The following SPTLC3 variants were observed in gnomAD, a reference collection of about 807,000 sequenced individuals.
SPTLC3 encodes the protein serine palmitoyltransferase 3.
In SPTLC3, 36 loss-of-function variants were observed where a neutral mutation model predicts 59.3. The observed-to-expected ratio is 0.61, with a 90% confidence interval of 0.47 to 0.80. SPTLC3 has a LOEUF of 0.80. Among genes scored for constraint, SPTLC3 ranks in the 30% least tolerant of loss-of-function variants. The pLI, the probability that SPTLC3 is intolerant of heterozygous loss-of-function variation, is 0.00. For missense variants in SPTLC3, 625 were observed against 685.1 expected (o/e 0.91, Z 0.98); for synonymous variants, 257 against 240.8 (o/e 1.07, Z -0.62).
At chr20:13,083,981 A>T (rs1030385419) in intron 4 of SPTLC3, among the ~76,000 whole-genome samples, 1 of 152,182 alleles carries the variant, frequency 6.6e-6, no homozygotes, top group Non-Finnish European at 1.5e-5. Context: ...AGCCATGTTC[A>T]TGCAACTTGC....
intron 2 of SPTLC3, 128 bp downstream of exon 2, chr20:13,049,258 A>G: frequency 9.7e-7 from 1 of 1,034,768 alleles, no homozygotes; most frequent in South Asian, 1.3e-5. Flanking sequence ...GGCAAATTTC[A>G]TTCATCTCCA....
intron 1 of SPTLC3, among the ~76,000 whole-genome samples, chr20:13,023,305 A>G (rs1264647017): frequency 1.3e-5 from 2 of 151,522 alleles, no homozygotes. Context: ...ACATATACCT[A>G]CACACATAAA....
chr20:13,110,153 T>G lies in SPTLC3; in HGVS notation c.868T>G (p.Tyr290Asp). 1 of 1,613,716 alleles carries G rather than the reference T, an allele frequency of 6.2e-7. No homozygotes were observed. Among genetic ancestry groups the G allele is most frequent in the Admixed American group, 1.7e-5 (1 of 59,984 alleles). The change falls in exon 7 of 12, where the codon TAT (tyrosine) becomes GAT (aspartate). Residue 290 changes from tyrosine (Y) to aspartate (D), a missense_variant. By Grantham distance (160) the Tyr-to-Asp change is radical (BLOSUM62 -3). Transcript: ENST00000399002. ...GAAGCTCCTGAGAGATGCTGTCATC[T>G]ATGGCCAGCCTCGAACCCGCAGAGC... ...LEKLLRDAVI[Y>D]GQPRTRRAWK...
At chr20:13,106,547 G>C (rs544368409) in intron 6 of SPTLC3, among the ~76,000 whole-genome samples, 2 of 152,204 alleles carry the variant, frequency 1.3e-5, no homozygotes, top group African/African-American at 4.8e-5. Flanking sequence ...AGGAGGCTGT[G>C]TGTTGGGGGA....
At chr20:13,125,560 G>A (rs1276917238) in intron 8 of SPTLC3, among the ~76,000 whole-genome samples, 2 of 152,176 alleles carry the variant, frequency 1.3e-5, no homozygotes, top group African/African-American at 4.8e-5. Context: ...AATGTGGGCT[G>A]GGCTCAGCTA....
At chr20:13,095,287 G>T (rs1989371721) in intron 6 of SPTLC3, among the ~76,000 whole-genome samples, 1 of 152,210 alleles carries the variant, frequency 6.6e-6, no homozygotes, top group South Asian at 2.1e-4. Flanking sequence ...CACTTCCAGA[G>T]AGACGTAGTC....
intron 1 of SPTLC3, among the ~76,000 whole-genome samples, chr20:13,035,301 G>A (rs1038257157): frequency 4.6e-5 from 7 of 152,072 alleles, no homozygotes; most frequent in Non-Finnish European, 7.4e-5. Flanking sequence ...TGATGCTGTC[G>A]AAAAAGTAAA....
chr20:13,119,855 C>T (rs1990803665), intron 8 of SPTLC3, among the ~76,000 whole-genome samples: 1 of 152,152 alleles, frequency 6.6e-6, no homozygotes, highest in Non-Finnish European at 1.5e-5. Flanking sequence ...TGCCTGTATC[C>T]CTGATGACTT....
chr20:13,023,814 G>A (rs1162629681), intron 1 of SPTLC3, among the ~76,000 whole-genome samples: 4 of 152,106 alleles, frequency 2.6e-5, no homozygotes, highest in African/African-American at 9.7e-5. Context: ...TTTTTGAAGA[G>A]AATGAAAATA....
At chr20:13,150,724 A>T (rs1016292379) in intron 9 of SPTLC3, among the ~76,000 whole-genome samples, 5 of 152,000 alleles carry the variant, frequency 3.3e-5, no homozygotes, top group Non-Finnish European at 7.4e-5. Flanking sequence ...TAGACAATCC[A>T]TTCATCTTTC....
chr20:13,088,386 G>A (rs937239447), intron 4 of SPTLC3, among the ~76,000 whole-genome samples: 1 of 152,112 alleles, frequency 6.6e-6, no homozygotes, highest in African/African-American at 2.4e-5. Context: ...CCAGGCTGGA[G>A]TGCAGTGGCA....
intron 10 of SPTLC3, 32 bp from the exon 11 acceptor site, chr20:13,159,971 T>G (rs1283704557): frequency 1.1e-6 from 1 of 944,796 alleles, no homozygotes; most frequent in Non-Finnish European, 1.4e-6. Flanking sequence ...AACTAACCAC[T>G]TTTTTTTTTT....
chr20:13,024,955 T>C (rs1263151383), intron 1 of SPTLC3, among the ~76,000 whole-genome samples: 2 of 152,222 alleles, frequency 1.3e-5, no homozygotes, highest in Admixed American at 1.3e-4. Flanking sequence ...TATAATAGTT[T>C]GATGATCCTT....
At chr20:13,130,440 GA>G (rs2038096061) in intron 9 of SPTLC3, among the ~76,000 whole-genome samples, 1 of 152,222 alleles carries the variant, frequency 6.6e-6, no homozygotes, top group South Asian at 2.1e-4. Context: ...GTTCCTTGAT[GA>G]ATGTCTTCAC....
At chr20:13,130,825 T>G (rs887657838) in intron 9 of SPTLC3, among the ~76,000 whole-genome samples, 1 of 152,224 alleles carries the variant, frequency 6.6e-6, no homozygotes, top group Admixed American at 6.5e-5. Flanking sequence ...CTTGAATTAT[T>G]CTGGTGTTCC....
chr20:13,099,179 G>A (rs945705900), intron 6 of SPTLC3, among the ~76,000 whole-genome samples: 5 of 152,164 alleles, frequency 3.3e-5, no homozygotes, highest in African/African-American at 1.2e-4. Flanking sequence ...GGAAAAGAGT[G>A]GCAAAAGAGT....
intron 6 of SPTLC3, among the ~76,000 whole-genome samples, chr20:13,100,179 A>G (rs550422162): frequency 2.0e-5 from 3 of 152,216 alleles, no homozygotes; most frequent in Non-Finnish European, 2.9e-5. Context: ...TCTGTAGGAA[A>G]AAATACCTAA....
intron 9 of SPTLC3, among the ~76,000 whole-genome samples, chr20:13,143,074 A>T (rs529069700): frequency 6.6e-6 from 1 of 152,214 alleles, no homozygotes; most frequent in African/African-American, 2.4e-5. Context: ...CTCTGTGATC[A>T]TCTGCTTCAA....
At chr20:13,140,663 G>C (rs570624443) in intron 9 of SPTLC3, among the ~76,000 whole-genome samples, 1 of 152,080 alleles carries the variant, frequency 6.6e-6, no homozygotes, top group East Asian at 1.9e-4. Flanking sequence ...CAGCTCTAAA[G>C]CTTAAATTTC....
Sources: gnomAD v4.1 joint callset for allele counts (sites outside exome capture counted in the v4.1 genomes callset) on GRCh38, gnomAD v4.1.1 for gene constraint, MANE v1.5 for transcripts, NCBI Gene and HGNC (gene_info 2026-07-23, HGNC 2026-07-21) for gene names.